Variants in FBXO46 observed in about 807,000 individuals in gnomAD.
FBXO46 encodes F-box protein 46, also known as F-box only protein 46.
Under a neutral mutation model 30.7 loss-of-function variants are expected in FBXO46, and 13 were observed. The observed-to-expected ratio is 0.42, with a 90% CI of 0.28 to 0.67. The LOEUF is 0.67. Ranked by LOEUF, FBXO46 falls within the 30% of genes least tolerant of loss-of-function variation. The pLI is 0.21. For synonymous variants in FBXO46, 467 were observed against 385.8 expected, an observed-to-expected ratio of 1.21 and a Z score of -2.47; for missense variants, 754 against 871.5, an observed-to-expected ratio of 0.87 and a Z score of 1.70.
Position 45,711,653 on chromosome 19 carries a change from G to C in FBXO46, c.*31C>G, listed in dbSNP as rs1021395727. ...CCGGGGGGAGAGGGGAGGGGTGGGCGTGGTGGGCTCTCCCCTCCCCTCCCC... is the reference window on the plus strand; with the variant it reads ...CCGGGGGGAGAGGGGAGGGGTGGGCCTGGTGGGCTCTCCCCTCCCCTCCCC... On this transcript the variant is annotated 3_prime_UTR_variant, in exon 2 of 2. Transcript: ENST00000317683. The C allele has an allele frequency of 2.0e-6, 3 of 1,488,346 alleles. No individual in the cohort carries two copies. In the African/African-American group the frequency reaches 4.2e-5, roughly 21 times the overall value. 92.2% of individuals were successfully genotyped at this position (1,488,346 alleles called of 1,614,324 possible).
chr19:45,717,556 A>G (rs2146151158), intron 1 of FBXO46, among the ~76,000 whole-genome samples: 1 of 152,288 alleles, frequency 6.6e-6, no homozygotes, highest in South Asian at 2.1e-4. Flanking sequence ...ACACAGCCGG[A>G]TGCAAGGGAG....
rs114823842 is a variant in FBXO46, at chr19:45,719,016, G to C, written c.-78-5443C>G. 5.8e-3 allele frequency among the ~76,000 whole-genome samples: 877 copies of C among 151,446 alleles called. 8 individuals carry two copies. Among genetic ancestry groups the C allele is most frequent in the African/African-American group, 0.02 (840 of 41,290 alleles). On this transcript the variant is annotated intron_variant, in intron 1 of 1. Coordinates refer to ENST00000317683, the MANE Select transcript of FBXO46 (RefSeq NM_001080469.2). The stretch of plus-strand genomic sequence containing the variant: ...AATCCCAGCACTTTGGGAGGCAGAG[G>C]GGGGACACAATCCCTTGAGCTCAGG...
chr19:45,730,156 G>T (rs1230908306), intron 1 of FBXO46, among the ~76,000 whole-genome samples: 1 of 152,060 alleles, frequency 6.6e-6, no homozygotes, highest in African/African-American at 2.4e-5. Flanking sequence ...TTCTCATAGG[G>T]ATAAACCATT....
rs1428350605 is a variant in FBXO46 at position 45,712,667 on chromosome 19, C to A, written c.829G>T (p.Gly277Cys). The A allele has an allele frequency of 6.2e-7, 1 of 1,612,236 alleles. No individual in the cohort carries two copies. Among genetic ancestry groups the A allele is most frequent in the African/African-American group, 1.3e-5 (1 of 74,904 alleles). ...CTGCCCCCGCCCCCACTGGGCAGGC[C>A]GCTGTCTGGTGCACGGGGCTCCCGG... ...NGREPRAPDSGLPSGGGGRPG... is the reference protein window; with the variant it reads ...NGREPRAPDSCLPSGGGGRPG... Residue 277 changes from glycine to cysteine, a missense_variant, in exon 2 of 2, where the codon GGC (glycine) becomes TGC (cysteine). Physicochemically the swap from Gly to Cys is radical, Grantham distance 159. Coordinates refer to ENST00000317683, the MANE Select transcript of FBXO46 (RefSeq NM_001080469.2). The surrounding 1 kb of genome is among the most constrained non-coding windows in gnomAD (Gnocchi z 8.8).
chr19:45,730,352 G>A (rs1293823060), intron 1 of FBXO46, among the ~76,000 whole-genome samples: 4 of 151,788 alleles, frequency 2.6e-5, no homozygotes, highest in Non-Finnish European at 5.9e-5. Context: ...CAGTCCTGGA[G>A]CCTAAACCCA....
chr19:45,729,254 A>G (rs1156232650), intron 1 of FBXO46, among the ~76,000 whole-genome samples: 2 of 151,854 alleles, frequency 1.3e-5, no homozygotes, highest in Non-Finnish European at 1.5e-5. Context: ...ACATGCAGAA[A>G]CCCTGTCTCT....
intron 1 of FBXO46, chr19:45,714,495 C>T (rs1423907137): frequency 6.6e-6 from 1 of 151,990 alleles, no homozygotes; most frequent in Non-Finnish European, 1.5e-5. Context: ...CAGCCGTGGA[C>T]CCGCGGAGTA....
chr19:45,711,684 T>A lies in FBXO46; in HGVS notation c.1812A>T (p.Ter604CysextTer43). The A allele has an allele frequency of 1.3e-6, 2 of 1,526,690 alleles. No homozygotes were observed. The highest frequency in any genetic ancestry group is 1.7e-4 in the Middle Eastern group (1 of 5,882). The allele number at this position is 1,526,690 out of a possible 1,614,324, so 94.6% of individuals were successfully genotyped here. A position where few individuals can be genotyped will look rare whatever the true frequency, so the allele number is the denominator to read the frequency against. Residue 604 changes from the stop codon to cysteine, a stop_lost, in exon 2 of 2, where the codon TGA becomes TGT. Coordinates refer to ENST00000317683, the MANE Select transcript of FBXO46 (RefSeq NM_001080469.2). ...GGCTCTCCCCTCCCCTCCCCCGGCT[T>A]CACCTCCCCTCCTCCCGGCCGGCCC... Reference protein sequence around the residue: ...GGRAGREEGR* With the variant: ...GGRAGREEGRC
intron 1 of FBXO46, chr19:45,715,778 C>G (rs1478225167): frequency 7.0e-6 from 1 of 143,454 alleles, no homozygotes; most frequent in Non-Finnish European, 1.5e-5. Flanking sequence ...TGCACTCCAG[C>G]CTGGGCGACA....
At position 45,730,855 on chromosome 19, in the gene FBXO46, C is replaced by A. The variant is rs1019814787; in HGVS notation, c.-85G>T. 2.0e-5 allele frequency: 3 copies of A among 152,424 alleles called. No homozygotes were observed. Among genetic ancestry groups the A allele is most frequent in the African/African-American group, 7.2e-5 (3 of 41,540 alleles). The allele number at this position is 152,424 out of a possible 1,614,324, so 9.4% of individuals were successfully genotyped here. On this transcript the variant is annotated 5_prime_UTR_variant, in exon 1 of 2. Coordinates refer to ENST00000317683, the MANE Select transcript of FBXO46 (RefSeq NM_001080469.2). Reference sequence around the variant, plus strand: ...CCCGCGCCTGGGCTCTCACCATCGCCGCGCGCTGCATCTCCCTCGGCTACG... The same window carrying A: ...CCCGCGCCTGGGCTCTCACCATCGCAGCGCGCTGCATCTCCCTCGGCTACG...
rs1568543509 is a variant in FBXO46 at position 45,711,414 on chromosome 19, CTGAA to C, written c.*266_*269del. On this transcript the variant is annotated 3_prime_UTR_variant, in exon 2 of 2. Transcript: ENST00000317683. The stretch of plus-strand genomic sequence containing the variant: ...AAGCATGGCAGGGAGGGGGTTGGGG[CTGAA>C]TGGAGAAGAAAGTGAGATGCTGATA... The C allele has an allele frequency of 3.2e-6, 2 of 626,156 alleles. No homozygotes were observed. The highest frequency in any genetic ancestry group is 3.0e-5 in the South Asian group (2 of 65,860). 38.8% of individuals were successfully genotyped at this position (626,156 alleles called of 1,614,324 possible). A position where few individuals can be genotyped will look rare whatever the true frequency, so the allele number is the denominator to read the frequency against.
chr19:45,724,964 T>A (rs958541602), intron 1 of FBXO46, among the ~76,000 whole-genome samples: 6 of 150,878 alleles, frequency 4.0e-5, no homozygotes, highest in East Asian at 1.9e-4. Flanking sequence ...AACAACAAAA[T>A]TTTTTTTTTA....
chr19:45,724,948 C>G (rs1968218231), intron 1 of FBXO46, among the ~76,000 whole-genome samples: 1 of 152,116 alleles, frequency 6.6e-6, no homozygotes, highest in Non-Finnish European at 1.5e-5. Context: ...GCCACTGTGC[C>G]CCATCAACAA....
Position 45,712,344 on chromosome 19 carries a change from G to A in FBXO46, c.1152C>T (p.Gly384=), listed in dbSNP as rs1427581386. Residue 384 remains glycine (G), a synonymous_variant, in exon 2 of 2, where the codon GGC becomes GGT. Coordinates refer to ENST00000317683, the MANE Select transcript of FBXO46 (RefSeq NM_001080469.2). The surrounding 1 kb of genome is among the most constrained non-coding windows in gnomAD (Gnocchi z 8.8). The part of the protein sequence containing the change: ...VDECIFFGKD[G]TKNVKEETVC... ...CAGTCTCCTCCTTCACGTTCTTGGT[G>A]CCGTCCTTGCCAAAGAAGATGCACT... 2 of 1,601,596 alleles carry A rather than the reference G, an allele frequency of 1.2e-6. No homozygotes were observed. The highest frequency in any genetic ancestry group is 2.2e-5 in the South Asian group (2 of 91,084).
intron 1 of FBXO46, among the ~76,000 whole-genome samples, chr19:45,728,177 T>C (rs1214957562): frequency 2.0e-5 from 3 of 152,204 alleles, no homozygotes; most frequent in Non-Finnish European, 2.9e-5. Flanking sequence ...CTGCCCGCAA[T>C]GGCCTCCCAA....
intron 1 of FBXO46, among the ~76,000 whole-genome samples, chr19:45,722,164 T>A (rs1044650939): frequency 1.6e-4 from 25 of 152,150 alleles, no homozygotes; most frequent in Non-Finnish European, 2.8e-4. Context: ...TCCAGAATCC[T>A]GACTCATCCA....
At position 45,712,806 on chromosome 19, in the gene FBXO46, G is replaced by A. The variant is rs371580693; in HGVS notation, c.690C>T (p.Ala230=). The A allele has an allele frequency of 1.4e-3, 2,229 of 1,612,344 alleles. 38 individuals are homozygous for A. In the South Asian group the frequency reaches 0.023, roughly 17 times the overall value. Residue 230 remains alanine (A), a synonymous_variant, in exon 2 of 2, where the codon GCC becomes GCT. Transcript: ENST00000317683. This position sits in a 1 kb window ranked among gnomAD's most constrained non-coding sequence, Gnocchi z 8.8. ...GGGDCSRVAE[A]VAHFEAQRDS... is the part of the protein sequence containing the mutation. ...CCCTCTGCGCTTCAAAGTGGGCCAC[G>A]GCCTCGGCTACACGGCTGCAGTCCC...
In FBXO46 at chr19:45,713,034, A is replaced by G; in HGVS notation, c.462T>C (p.Pro154=). ...PPDPGGREGP[P]AAEEGPASAG... is the part of the protein sequence containing the mutation. ...CTGAGGCGGGGCCCTCCTCAGCAGC[A>G]GGGGGGCCCTCCCGGCCCCCTGGGT... The change falls in exon 2 of 2, where the codon CCT becomes CCC. Residue 154 remains proline (P), a synonymous_variant. Coordinates refer to ENST00000317683, the MANE Select transcript of FBXO46 (RefSeq NM_001080469.2). The surrounding 1 kb of genome is among the most constrained non-coding windows in gnomAD (Gnocchi z 4.7). The G allele has an allele frequency of 6.4e-7, 1 of 1,558,266 alleles. No homozygotes were observed. Among genetic ancestry groups the G allele is most frequent in the Non-Finnish European group, 8.7e-7 (1 of 1,154,192 alleles).
Position 45,712,624 on chromosome 19 carries a change from G to C in FBXO46, c.872C>G (p.Pro291Arg), listed in dbSNP as rs1283620070. The C allele has an allele frequency of 6.2e-7, 1 of 1,600,814 alleles. No individual in the cohort carries two copies. Among genetic ancestry groups the C allele is most frequent in the Admixed American group, 1.7e-5 (1 of 58,110 alleles). The change falls in exon 2 of 2, where the codon CCT becomes CGT. Residue 291 changes from proline (P) to arginine (R), a missense_variant. Physicochemically the swap from Pro to Arg is moderately radical, Grantham distance 103. Coordinates refer to ENST00000317683, the MANE Select transcript of FBXO46 (RefSeq NM_001080469.2). The surrounding 1 kb of genome is among the most constrained non-coding windows in gnomAD (Gnocchi z 8.8). ...TCGGGCCCCAGGACCTGGGCTGCCAGGGTAGGCACAACCAGGCCTGCCCCC... is the reference window on the plus strand; with the variant it reads ...TCGGGCCCCAGGACCTGGGCTGCCACGGTAGGCACAACCAGGCCTGCCCCC... ...GGGGRPGCAY[P>R]GSPGPGARAK...
Sources: allele counts gnomAD v4.1 joint callset (sites outside exome capture counted in the v4.1 genomes callset), GRCh38; gene constraint gnomAD v4.1.1; non-coding constraint Gnocchi (gnomAD v3.1); transcripts MANE v1.5; gene names NCBI Gene and HGNC (gene_info 2026-07-23, HGNC 2026-07-21).